SUMF1: variants seen among roughly 807,000 people sequenced by gnomAD.
SUMF1 encodes sulfatase modifying factor 1.
A neutral mutation model predicts 47.6 loss-of-function variants in SUMF1; 48 were observed. The ratio of observed to expected loss-of-function variants is 1.01; its 90% confidence interval spans 0.80 to 1.28. SUMF1 has a LOEUF of 1.28. Among genes scored for constraint, SUMF1 ranks in the 50% most tolerant of loss-of-function variants. The pLI is 0.00. For missense variants in SUMF1, 571 were observed against 485.4 expected (o/e 1.18, Z -1.66); for synonymous variants, 230 against 192.1 (o/e 1.20, Z -1.63).
chr3:4,313,265 T>G (rs757294648), intron 8 of SUMF1: 1 of 1,613,968 alleles, frequency 6.2e-7, no homozygotes, highest in Non-Finnish European at 8.5e-7. Flanking sequence ...GTTTTAGGAT[T>G]CTCTGAAGTT....
chr3:4,419,150 G>A (rs879283482), intron 4 of SUMF1, among the ~76,000 whole-genome samples: 1 of 152,132 alleles, frequency 6.6e-6, no homozygotes, highest in Admixed American at 6.5e-5. Context: ...TCCTCCCTTA[G>A]CATTTTCCTC....
At chr3:4,177,182 A>C (rs2125129936) in intron 8 of SUMF1, among the ~76,000 whole-genome samples, 1 of 152,300 alleles carries the variant, frequency 6.6e-6, no homozygotes, top group East Asian at 1.9e-4. Flanking sequence ...CTCTGCAACA[A>C]GCAGACCCAA....
intron 8 of SUMF1, among the ~76,000 whole-genome samples, chr3:4,206,989 G>A (rs940432857): frequency 6.6e-6 from 1 of 151,992 alleles, no homozygotes; most frequent in African/African-American, 2.4e-5. Flanking sequence ...CACAAACATA[G>A]TATATCTTTC....
intron 8 of SUMF1, among the ~76,000 whole-genome samples, chr3:4,093,649 T>C (rs1481101810): frequency 6.6e-6 from 1 of 152,028 alleles, no homozygotes; most frequent in East Asian, 1.9e-4. Flanking sequence ...TGGTGGAAGA[T>C]AGAGTACAGG....
chr3:4,294,245 G>C (rs1697798488), intron 8 of SUMF1, among the ~76,000 whole-genome samples: 1 of 152,016 alleles, frequency 6.6e-6, no homozygotes, highest in South Asian at 2.1e-4. Context: ...TTGAAATTCA[G>C]CTCTTCGGTC....
chr3:4,178,085 G>A (rs1695007342), intron 8 of SUMF1, among the ~76,000 whole-genome samples: 1 of 152,154 alleles, frequency 6.6e-6, no homozygotes, highest in Non-Finnish European at 1.5e-5. Context: ...GGACCAGACA[G>A]ATTCACAGTG....
At chr3:4,173,821 T>G (rs980728988) in intron 8 of SUMF1, among the ~76,000 whole-genome samples, 1 of 151,404 alleles carries the variant, frequency 6.6e-6, no homozygotes, top group African/African-American at 2.4e-5. Context: ...TAAGTGGGAG[T>G]TGAACAATAA....
At chr3:4,446,558 C>T (rs1269516826) in intron 3 of SUMF1, among the ~76,000 whole-genome samples, 5 of 152,210 alleles carry the variant, frequency 3.3e-5, no homozygotes, top group Non-Finnish European at 7.3e-5. Context: ...GGATTAGGTA[C>T]TAAGCATCAA....
chr3:4,359,479 C>T (rs569206736), downstream of SUMF1, among the ~76,000 whole-genome samples: 11 of 152,192 alleles, frequency 7.2e-5, no homozygotes, highest in South Asian at 2.1e-3. Flanking sequence ...GATGGGGTCT[C>T]GCTTTGTTGC....
chr3:4,378,018 A>G (rs1435196754), intron 7 of SUMF1, among the ~76,000 whole-genome samples: 2 of 152,258 alleles, frequency 1.3e-5, no homozygotes, highest in Non-Finnish European at 2.9e-5. Flanking sequence ...CCATGTGGGC[A>G]GAAGTGCACA....
At chr3:4,221,147 A>G (rs1696051536) in intron 8 of SUMF1, among the ~76,000 whole-genome samples, 2 of 152,142 alleles carry the variant, frequency 1.3e-5, no homozygotes, top group Admixed American at 6.6e-5. Flanking sequence ...GGGCCTCTCT[A>G]TAAATAATTT....
chr3:4,212,287 C>G (rs952181797), intron 8 of SUMF1, among the ~76,000 whole-genome samples: 3 of 152,286 alleles, frequency 2.0e-5, no homozygotes, highest in East Asian at 1.9e-4. Flanking sequence ...CCCAGGCAAA[C>G]AGCATCGGGA....
chr3:4,098,815 C>T (rs1035127146), intron 8 of SUMF1, among the ~76,000 whole-genome samples: 1 of 152,104 alleles, frequency 6.6e-6, no homozygotes, highest in African/African-American at 2.4e-5. Flanking sequence ...TGCCAGAAAA[C>T]CATAGAGTTA....
At chr3:4,160,030 G>A (rs909273922) in intron 8 of SUMF1, among the ~76,000 whole-genome samples, 4 of 151,862 alleles carry the variant, frequency 2.6e-5, no homozygotes, top group Non-Finnish European at 5.9e-5. Context: ...AATGCCTTGG[G>A]GTAGCCTTCT....
At chr3:4,262,431 C>G (rs1362017558) in intron 8 of SUMF1, among the ~76,000 whole-genome samples, 1 of 152,042 alleles carries the variant, frequency 6.6e-6, no homozygotes, top group African/African-American at 2.4e-5. Flanking sequence ...GTGGTCAAAG[C>G]AACAACAACA....
intron 8 of SUMF1, among the ~76,000 whole-genome samples, chr3:4,102,865 A>G (rs1409207458): frequency 6.6e-6 from 1 of 151,946 alleles, no homozygotes; most frequent in Admixed American, 6.6e-5. Context: ...CAGGGAGAAG[A>G]AGAGAGAGGA....
chr3:4,155,133 T>C (rs1236869316), intron 8 of SUMF1, among the ~76,000 whole-genome samples: 26 of 151,550 alleles, frequency 1.7e-4, no homozygotes, highest in Admixed American at 1.7e-3. Flanking sequence ...CTTCTTTCTA[T>C]AGCTCCTGAC....
chr3:4,309,859 A>C (rs1698335069), intron 8 of SUMF1, among the ~76,000 whole-genome samples: 1 of 152,246 alleles, frequency 6.6e-6, no homozygotes, highest in Non-Finnish European at 1.5e-5. Flanking sequence ...CTTCAGATAC[A>C]GTTATTATTT....
chr3:4,448,956 T>G (rs1162183728), intron 3 of SUMF1, among the ~76,000 whole-genome samples: 3 of 152,238 alleles, frequency 2.0e-5, no homozygotes, highest in African/African-American at 7.2e-5. Context: ...ATTCTAGAAA[T>G]GGCTATAAGT....
Sources: gnomAD v4.1 joint callset for allele counts (sites outside exome capture counted in the v4.1 genomes callset) on GRCh38, gnomAD v4.1.1 for gene constraint, MANE v1.5 for transcripts, NCBI Gene and HGNC (gene_info 2026-07-23, HGNC 2026-07-21) for gene names.